Variants in ARHGAP17 observed in about 807,000 individuals in gnomAD.
ARHGAP17 encodes the protein Rho GTPase activating protein 17, also known as rho GTPase-activating protein 17.
ARHGAP17 carries 57 observed loss-of-function variants against 99.5 expected under a neutral mutation model. That is an observed-to-expected ratio of 0.57 (90% confidence interval 0.46 to 0.71). ARHGAP17 has a LOEUF of 0.71. Among genes scored for constraint, ARHGAP17 ranks in the 30% least tolerant of loss-of-function variants. The probability of loss-of-function intolerance (pLI) is 0.00; values close to 1 mark genes in which losing one functional copy is unlikely to be tolerated. For missense variants in ARHGAP17, 1,000 were observed against 1,122.4 expected (o/e 0.89, Z 1.56); for synonymous variants, 417 against 429.6 (o/e 0.97, Z 0.36).
At chr16:24,993,278 G>T (rs8051757) in intron 1 of ARHGAP17, among the ~76,000 whole-genome samples, 48,088 of 151,980 alleles carry the variant, frequency 0.32, 7,834 homozygotes, top group East Asian at 0.5. Context: ...AAGTAATTGT[G>T]GCTTTTCCCA....
chr16:24,948,475 G>A (rs28574608), intron 13 of ARHGAP17, among the ~76,000 whole-genome samples: 13,309 of 152,038 alleles, frequency 0.088, 1,749 homozygotes, highest in African/African-American at 0.29. Context: ...ATGGGAATGT[G>A]CTCCCTATTC....
intron 19 of ARHGAP17, chr16:24,927,702 C>CAG: frequency 8.2e-7 from 1 of 1,225,904 alleles, no homozygotes; most frequent in Non-Finnish European, 1.0e-6. Flanking sequence ...ATTCCAATCT[C>CAG]AGTTCTTACT....
At chr16:24,999,067 C>T (rs1379567926) in intron 1 of ARHGAP17, among the ~76,000 whole-genome samples, 2 of 152,210 alleles carry the variant, frequency 1.3e-5, no homozygotes, top group Admixed American at 6.5e-5. Flanking sequence ...TCCACACTCC[C>T]GGGACAGCAA....
At chr16:24,946,399 G>A (rs1043746524) in intron 14 of ARHGAP17, among the ~76,000 whole-genome samples, 1 of 151,638 alleles carries the variant, frequency 6.6e-6, no homozygotes. Flanking sequence ...GGTCCTGGCT[G>A]TACGAAACTG....
rs779711967 is a variant in ARHGAP17, at chr16:24,959,657, G to A, written c.724+14C>T. The A allele has an allele frequency of 5.3e-5, 85 of 1,612,602 alleles. No individual in the cohort carries two copies. The highest frequency in any genetic ancestry group is 6.6e-5 in the Non-Finnish European group (78 of 1,179,350). ...GGCAAGAAGGAAGCATCAGCCGCAC[G>A]CGGGTTACATTACCTTGATGGGCTC... On this transcript the variant is annotated intron_variant, in intron 9 of 19. Coordinates refer to ENST00000289968, the MANE Select transcript of ARHGAP17 (RefSeq NM_001006634.3).
chr16:24,930,577 A>G (rs951129488), intron 19 of ARHGAP17: 1 of 911,834 alleles, frequency 1.1e-6, no homozygotes, highest in African/African-American at 1.6e-5. Context: ...TTCAGCACCA[A>G]TGCAGCCACA....
At chr16:24,974,979 C>A (rs1342188364) in intron 3 of ARHGAP17, among the ~76,000 whole-genome samples, 1 of 151,962 alleles carries the variant, frequency 6.6e-6, no homozygotes, top group Non-Finnish European at 1.5e-5. Context: ...GACCTCATCT[C>A]TACTACGAAA....
At chr16:24,929,654 A>C in intron 19 of ARHGAP17, 1 of 987,996 alleles carries the variant, frequency 1.0e-6, no homozygotes, top group Non-Finnish European at 1.2e-6. Context: ...GGCACTAGGA[A>C]GGGCATCTAT....
At chr16:24,994,950 C>T (rs111869094) in intron 1 of ARHGAP17, among the ~76,000 whole-genome samples, 5,186 of 152,272 alleles carry the variant, frequency 0.034, 243 homozygotes, top group African/African-American at 0.1. Flanking sequence ...ATTTAATTGA[C>T]TCAGTTCCGC....
intron 19 of ARHGAP17, among the ~76,000 whole-genome samples, chr16:24,924,303 A>G (rs2050786512): frequency 6.6e-6 from 1 of 152,124 alleles, no homozygotes; most frequent in African/African-American, 2.4e-5. Context: ...GAATTTATAT[A>G]TTATTTGCAT....
intron 1 of ARHGAP17, among the ~76,000 whole-genome samples, chr16:24,984,331 C>T (rs1479754188): frequency 6.6e-6 from 1 of 152,140 alleles, no homozygotes; most frequent in African/African-American, 2.4e-5. Context: ...CTAAAGTCAT[C>T]ACTCCTCCCC....
chr16:24,970,729 G>A, intron 3 of ARHGAP17, 149 bp from the exon 4 acceptor site: 4 of 691,132 alleles, frequency 5.8e-6, no homozygotes, highest in Non-Finnish European at 1.0e-5. Context: ...TGGTCTCACA[G>A]ATATTAGTTG....
At chr16:24,969,247 A>G (rs1003045048) in intron 4 of ARHGAP17, among the ~76,000 whole-genome samples, 5 of 152,182 alleles carry the variant, frequency 3.3e-5, no homozygotes, top group African/African-American at 9.7e-5. Context: ...TTGCTTGCGA[A>G]CATGCAGCTG....
intron 19 of ARHGAP17, chr16:24,927,772 T>C: frequency 1.1e-6 from 1 of 923,626 alleles, no homozygotes; most frequent in East Asian, 6.4e-5. Flanking sequence ...GAATACTCTT[T>C]GCTAAAATCT....
Position 24,953,012 on chromosome 16 carries a change from T to A in ARHGAP17, c.883A>T (p.Lys295Ter). 6.2e-7 allele frequency: 1 copy of A among 1,614,166 alleles called. No homozygotes were observed. The highest frequency in any genetic ancestry group is 8.5e-7 in the Non-Finnish European group (1 of 1,180,036). ...GLFRIGAGAS[K>*]LKKLKAALDC... Reference sequence around the variant, plus strand: ...AAAGCAGCTTTCAGCTTCTTTAACTTGGAGGCCCCAGCCCCAATTCGGAAA... The same window carrying A: ...AAAGCAGCTTTCAGCTTCTTTAACTAGGAGGCCCCAGCCCCAATTCGGAAA... Residue 295 changes from lysine (K) to a stop codon, truncating the protein, a stop_gained, in exon 11 of 20, where the codon AAG becomes TAG. Coordinates refer to ENST00000289968, the MANE Select transcript of ARHGAP17 (RefSeq NM_001006634.3). LOFTEE classifies it high-confidence loss of function.
chr16:24,949,564 C>T, intron 12 of ARHGAP17, 80 bp from the exon 13 acceptor site: 1 of 1,240,322 alleles, frequency 8.1e-7, no homozygotes, highest in South Asian at 1.3e-5. Context: ...AAAATGAGGC[C>T]TCCATTTTGA....
chr16:24,967,474 A>ACTGTCACAT (rs2052222114), intron 6 of ARHGAP17, among the ~76,000 whole-genome samples: 1 of 152,178 alleles, frequency 6.6e-6, no homozygotes, highest in Admixed American at 6.5e-5. Flanking sequence ...CCTATTCCCA[A>ACTGTCACAT]CTGTCACATG....
chr16:24,977,579 G>A (rs747095490), intron 2 of ARHGAP17: 2 of 320,454 alleles, frequency 6.2e-6, no homozygotes, highest in Non-Finnish European at 5.7e-6. Context: ...ATGCCAAAGA[G>A]CTCTCTCCAG....
At chr16:24,926,027 G>A (rs889519425) in intron 19 of ARHGAP17, among the ~76,000 whole-genome samples, 1 of 150,660 alleles carries the variant, frequency 6.6e-6, no homozygotes, top group Non-Finnish European at 1.5e-5. Context: ...GAAGAATGGT[G>A]TGAACCCAGG....
Sources: allele counts gnomAD v4.1 joint callset (sites outside exome capture counted in the v4.1 genomes callset), GRCh38; gene constraint gnomAD v4.1.1; transcripts MANE v1.5; gene names NCBI Gene and HGNC (gene_info 2026-07-23, HGNC 2026-07-21).